Variants in CMSS1 observed in about 807,000 individuals in gnomAD.
CMSS1 encodes the protein protein CMSS1.
Under a neutral mutation model 43.5 loss-of-function variants are expected in CMSS1, and 33 were observed. The ratio of observed to expected loss-of-function variants is 0.76; its 90% CI spans 0.57 to 1.01. The LOEUF (loss-of-function observed/expected upper bound fraction) is 1.01. Among genes scored for constraint, CMSS1 ranks in the 50% least tolerant of loss-of-function variants. The pLI is 0.00. For synonymous variants in CMSS1, 115 were observed against 117.2 expected (o/e 0.98, Z 0.12); for missense variants, 313 against 326.4 (o/e 0.96, Z 0.32).
In CMSS1 at chr3:99,874,477, G is replaced by A. The variant is rs1705402753; in HGVS notation, c.64+56434G>A. 3 of 152,134 alleles carry A rather than the reference G, an allele frequency of 2.0e-5. No individual in the cohort carries two copies. In the South Asian group the frequency reaches 6.2e-4, roughly 31 times the overall value. 9.4% of individuals were successfully genotyped at this position (152,134 alleles called of 1,614,324 possible). A position where few individuals can be genotyped will look rare whatever the true frequency, so the allele number is the denominator to read the frequency against. On this transcript the variant is annotated intron_variant, in intron 1 of 9. Coordinates refer to ENST00000421999, the MANE Select transcript of CMSS1 (RefSeq NM_032359.4). ...TGTTGGCCCCGCTCTTCTCATTATGGTGGGCTTCCCTAGGTTTGAAATAAT... is the reference window on the plus strand; with the variant it reads ...TGTTGGCCCCGCTCTTCTCATTATGATGGGCTTCCCTAGGTTTGAAATAAT...
At chr3:100,032,697 G>A (rs1300777595) in intron 1 of CMSS1, among the ~76,000 whole-genome samples, 1 of 152,126 alleles carries the variant, frequency 6.6e-6, no homozygotes, top group African/African-American at 2.4e-5. Context: ...TTTTAAAATA[G>A]TATGAATAAT....
At chr3:99,887,633 C>T (rs1178640152) in intron 1 of CMSS1, among the ~76,000 whole-genome samples, 1 of 152,144 alleles carries the variant, frequency 6.6e-6, no homozygotes, top group Non-Finnish European at 1.5e-5. Flanking sequence ...TTAAATGAAT[C>T]ATGGCATTGT....
chr3:99,838,869 A>G (rs1017156065), intron 1 of CMSS1, among the ~76,000 whole-genome samples: 2 of 152,120 alleles, frequency 1.3e-5, no homozygotes, highest in Admixed American at 1.3e-4. Flanking sequence ...ATGTTACCTC[A>G]CTATGCAGAA....
intron 1 of CMSS1, among the ~76,000 whole-genome samples, chr3:99,923,785 G>A (rs1319587760): frequency 6.6e-6 from 1 of 152,206 alleles, no homozygotes; most frequent in Non-Finnish European, 1.5e-5. Context: ...ATAAAGTCCA[G>A]CTGCTCAAGG....
chr3:99,865,197 G>A (rs954577988), intron 1 of CMSS1, among the ~76,000 whole-genome samples: 5 of 152,102 alleles, frequency 3.3e-5, no homozygotes, highest in African/African-American at 1.2e-4. Context: ...TAGGAGGCAG[G>A]TATTACCGTC....
intron 1 of CMSS1, among the ~76,000 whole-genome samples, chr3:100,058,619 T>G (rs1315623469): frequency 6.6e-6 from 1 of 152,156 alleles, no homozygotes; most frequent in Non-Finnish European, 1.5e-5. Flanking sequence ...TTCTCTCCGC[T>G]TTTTTTCTCC....
intron 1 of CMSS1, among the ~76,000 whole-genome samples, chr3:100,106,187 A>G (rs1237328416): frequency 6.6e-6 from 1 of 152,186 alleles, no homozygotes; most frequent in Non-Finnish European, 1.5e-5. Flanking sequence ...TGACTTATCA[A>G]AAGGATGCAG....
At chr3:99,964,323 G>A (rs1708582169) in intron 1 of CMSS1, 1 of 149,390 alleles carries the variant, frequency 6.7e-6, no homozygotes, top group Admixed American at 6.6e-5. Flanking sequence ...CCCTAGCCCA[G>A]TACAAGGCAT....
chr3:99,966,992 G>C (rs1226727628), intron 1 of CMSS1, among the ~76,000 whole-genome samples: 2 of 152,150 alleles, frequency 1.3e-5, no homozygotes, highest in Non-Finnish European at 2.9e-5. Context: ...ATGGCTGTTA[G>C]GTGATCATTG....
At chr3:100,135,729 G>T (rs1433487156) in intron 1 of CMSS1, among the ~76,000 whole-genome samples, 1 of 152,018 alleles carries the variant, frequency 6.6e-6, no homozygotes, top group Admixed American at 6.6e-5. Context: ...CATTAAGTTT[G>T]CTGACTTGCA....
At chr3:99,948,836 G>A (rs758881703) in intron 1 of CMSS1, among the ~76,000 whole-genome samples, 6 of 152,148 alleles carry the variant, frequency 3.9e-5, no homozygotes, top group Non-Finnish European at 8.8e-5. Flanking sequence ...CATCATCAGG[G>A]TTGGAAGGAT....
At chr3:100,006,774 A>T (rs1005683472) in intron 1 of CMSS1, among the ~76,000 whole-genome samples, 7 of 152,214 alleles carry the variant, frequency 4.6e-5, no homozygotes, top group Non-Finnish European at 7.4e-5. Context: ...GAATCAGATA[A>T]GTAAATTAAT....
At chr3:100,019,936 G>A (rs568632075) in intron 1 of CMSS1, among the ~76,000 whole-genome samples, 12 of 152,166 alleles carry the variant, frequency 7.9e-5, no homozygotes, top group African/African-American at 2.9e-4. Flanking sequence ...TTGAGGGCAG[G>A]GGGGAATGTG....
At chr3:100,093,812 T>C (rs1415805031) in intron 1 of CMSS1, among the ~76,000 whole-genome samples, 1 of 152,246 alleles carries the variant, frequency 6.6e-6, no homozygotes, top group East Asian at 1.9e-4. Flanking sequence ...TGTAACCTTT[T>C]AGGATTGACA....
intron 1 of CMSS1, among the ~76,000 whole-genome samples, chr3:99,821,482 A>G (rs998855910): frequency 6.6e-6 from 1 of 152,244 alleles, no homozygotes; most frequent in Non-Finnish European, 1.5e-5. Flanking sequence ...AGGATGCCTT[A>G]GGCATAAGAC....
intron 1 of CMSS1, among the ~76,000 whole-genome samples, chr3:99,893,953 G>T (rs923902093): frequency 1.3e-5 from 2 of 152,148 alleles, no homozygotes; most frequent in African/African-American, 2.4e-5. Flanking sequence ...TTGAAGCTGG[G>T]TGTCAAGATA....
chr3:99,846,439 T>C (rs1943368302), intron 1 of CMSS1, among the ~76,000 whole-genome samples: 1 of 152,256 alleles, frequency 6.6e-6, no homozygotes, highest in South Asian at 2.1e-4. Flanking sequence ...ATTGTCTGTT[T>C]TGAAAGAGCT....
intron 1 of CMSS1, chr3:99,924,113 T>C: frequency 1.2e-6 from 1 of 848,204 alleles, no homozygotes; most frequent in Admixed American, 2.3e-5. Flanking sequence ...CACCCTGGAC[T>C]ATGAGATCTT....
chr3:99,991,511 G>A (rs1709509290), intron 1 of CMSS1, among the ~76,000 whole-genome samples: 1 of 151,782 alleles, frequency 6.6e-6, no homozygotes, highest in Non-Finnish European at 1.5e-5. Flanking sequence ...TGCATATATT[G>A]CATCATGGTC....
Sources: allele counts gnomAD v4.1 joint callset (sites outside exome capture counted in the v4.1 genomes callset), GRCh38; gene constraint gnomAD v4.1.1; transcripts MANE v1.5; gene names NCBI Gene and HGNC (gene_info 2026-07-23, HGNC 2026-07-21).